The following TMTC2 variants were observed in gnomAD, a reference collection of about 807,000 sequenced individuals.
TMTC2 encodes transmembrane O-mannosyltransferase targeting cadherins 2.
A neutral mutation model predicts 82.4 loss-of-function variants in TMTC2; 43 were observed. The observed-to-expected ratio is 0.52, with a 90% CI of 0.41 to 0.67. The LOEUF (loss-of-function observed/expected upper bound fraction) is 0.67. Ranked by LOEUF, TMTC2 falls within the 30% of genes least tolerant of loss-of-function variation. TMTC2 has a pLI of 0.00. For missense variants in TMTC2, 919 were observed against 1,012.4 expected, an observed-to-expected ratio of 0.91 and a Z score of 1.25; for synonymous variants, 408 against 381.9, an observed-to-expected ratio of 1.07 and a Z score of -0.80.
chr12:82,917,610 T>A (rs911521710), intron 3 of TMTC2, among the ~76,000 whole-genome samples: 1 of 151,876 alleles, frequency 6.6e-6, no homozygotes, highest in Admixed American at 6.6e-5. Context: ...TTTATTTATT[T>A]ATTTATTTAG....
At chr12:83,031,279 T>G (rs549753446) in intron 9 of TMTC2, among the ~76,000 whole-genome samples, 1 of 152,322 alleles carries the variant, frequency 6.6e-6, no homozygotes, top group African/African-American at 2.4e-5. Flanking sequence ...GAAGTTTACA[T>G]TTTGGCCTCA....
At chr12:82,765,988 A>T (rs1876938793) in intron 1 of TMTC2, among the ~76,000 whole-genome samples, 1 of 152,192 alleles carries the variant, frequency 6.6e-6, no homozygotes, top group South Asian at 2.1e-4. Context: ...GGTGAGGCCC[A>T]AAACGTGTAT....
At chr12:82,851,547 A>T (rs1250205904) in intron 1 of TMTC2, among the ~76,000 whole-genome samples, 1 of 152,186 alleles carries the variant, frequency 6.6e-6, no homozygotes, top group Admixed American at 6.5e-5. Context: ...CAGTTGAGGA[A>T]ACTAAGGTAC....
At chr12:82,899,468 C>T (rs868297056) in intron 3 of TMTC2, among the ~76,000 whole-genome samples, 14 of 150,660 alleles carry the variant, frequency 9.3e-5, no homozygotes, top group Admixed American at 6.7e-4. Flanking sequence ...ACCACCATCA[C>T]TGTTGGCATC....
intron 7 of TMTC2, 121 bp from the exon 8 acceptor site, chr12:82,985,804 A>G (rs781640870): frequency 2.4e-6 from 3 of 1,250,562 alleles, no homozygotes; most frequent in Admixed American, 2.2e-5. Context: ...ACATGAATGA[A>G]AGTACTTCCC....
At chr12:82,744,581 T>TAGAAAAAAA (rs1555181551) in intron 1 of TMTC2, among the ~76,000 whole-genome samples, 3 of 115,520 alleles carry the variant, frequency 2.6e-5, no homozygotes, top group African/African-American at 9.7e-5. Flanking sequence ...ACTCTGACTC[T>TAGAAAAAAA]AAAAAAAAAA....
chr12:82,829,957 A>G (rs1436193856), intron 1 of TMTC2, among the ~76,000 whole-genome samples: 1 of 152,168 alleles, frequency 6.6e-6, no homozygotes, highest in Non-Finnish European at 1.5e-5. Flanking sequence ...TATTATGGGA[A>G]ATGTAGTCTC....
intron 2 of TMTC2, among the ~76,000 whole-genome samples, chr12:82,880,680 A>G (rs1325419697): frequency 1.3e-5 from 2 of 152,216 alleles, no homozygotes; most frequent in Admixed American, 6.5e-5. Flanking sequence ...TCAAAAAATG[A>G]TCGACAGTTC....
chr12:82,940,171 C>T (rs1389800295), intron 4 of TMTC2, among the ~76,000 whole-genome samples: 1 of 151,766 alleles, frequency 6.6e-6, no homozygotes, highest in Non-Finnish European at 1.5e-5. Flanking sequence ...GCATGCGCCA[C>T]CAAGCCTGGC....
intron 1 of TMTC2, among the ~76,000 whole-genome samples, chr12:82,810,430 A>G (rs1879439553): frequency 6.6e-6 from 1 of 150,502 alleles, no homozygotes; most frequent in African/African-American, 2.4e-5. Context: ...TTTTAAAATT[A>G]TATTTAAAAT....
At chr12:83,109,310 A>G (rs1202993585) in intron 11 of TMTC2, among the ~76,000 whole-genome samples, 1 of 152,158 alleles carries the variant, frequency 6.6e-6, no homozygotes, top group Non-Finnish European at 1.5e-5. Flanking sequence ...TTTCACAAGA[A>G]CACACTCACT....
Position 83,034,676 on chromosome 12 carries a change from T to C in TMTC2, c.2152+3797T>C, listed in dbSNP as rs367646959. Among the ~76,000 whole-genome samples, 184 of 152,352 alleles carry C rather than the reference T, an allele frequency of 1.2e-3. 7 individuals carry two copies. The South Asian group carries it at 0.036, about 29-fold the overall frequency. On this transcript the variant is annotated intron_variant, in intron 9 of 11. Coordinates refer to ENST00000321196, the MANE Select transcript of TMTC2 (RefSeq NM_152588.3). ...ACTGAAATTGTTTGTTTACTTCCTT[T>C]AGAAGATTCTAACATAAGAGTAGGG...
chr12:83,074,359 A>C (rs573453426), intron 11 of TMTC2, among the ~76,000 whole-genome samples: 1 of 152,116 alleles, frequency 6.6e-6, no homozygotes, highest in South Asian at 2.1e-4. Flanking sequence ...GGATACCAGC[A>C]CCTGTTCTGG....
At chr12:82,691,964 A>G (rs1390135535) in intron 1 of TMTC2, among the ~76,000 whole-genome samples, 1 of 152,202 alleles carries the variant, frequency 6.6e-6, no homozygotes, top group African/African-American at 2.4e-5. Context: ...TTTAGGTGGC[A>G]TTTTATTTTC....
chr12:82,909,592 A>G (rs1874511310), intron 3 of TMTC2, among the ~76,000 whole-genome samples: 1 of 152,124 alleles, frequency 6.6e-6, no homozygotes, highest in African/African-American at 2.4e-5. Flanking sequence ...CACCCGCCTC[A>G]GCCTCCCAAA....
At chr12:82,869,796 A>C (rs995469604) in intron 2 of TMTC2, among the ~76,000 whole-genome samples, 2 of 151,726 alleles carry the variant, frequency 1.3e-5, no homozygotes, top group Non-Finnish European at 2.9e-5. Flanking sequence ...CCATGATTGC[A>C]CCACTGTACT....
chr12:82,740,488 G>A lies in TMTC2; in HGVS notation c.83+52819G>A, dbSNP rs115199994. Among the ~76,000 whole-genome samples the A allele has an allele frequency of 4.7e-3, 716 of 152,280 alleles. 6 individuals carry two copies. The highest frequency in any genetic ancestry group is 0.016 in the African/African-American group (682 of 41,550). ...GATGTAAGAATGGTGTGAAGGATCC[G>A]CAGGGAAGGTCTGTGTGTGTTGTGG... On this transcript the variant is annotated intron_variant, in intron 1 of 11. Transcript: ENST00000321196.
At chr12:82,874,792 C>T (rs1262761241) in intron 2 of TMTC2, among the ~76,000 whole-genome samples, 1 of 152,046 alleles carries the variant, frequency 6.6e-6, no homozygotes, top group Non-Finnish European at 1.5e-5. Flanking sequence ...GCCATTTTTA[C>T]ATTACCTGTA....
chr12:83,008,230 G>A (rs1165548906), intron 8 of TMTC2, among the ~76,000 whole-genome samples: 1 of 152,038 alleles, frequency 6.6e-6, no homozygotes, highest in Non-Finnish European at 1.5e-5. Flanking sequence ...TGAATCTCTG[G>A]TTTTGTATCT....
Sources: gnomAD v4.1 joint callset for allele counts (sites outside exome capture counted in the v4.1 genomes callset) on GRCh38, gnomAD v4.1.1 for gene constraint, MANE v1.5 for transcripts, NCBI Gene and HGNC (gene_info 2026-07-23, HGNC 2026-07-21) for gene names.